Variants in MAP3K4 observed in about 807,000 individuals in gnomAD.
MAP3K4 encodes mitogen-activated protein kinase kinase kinase 4, also known as MAP three kinase 1.
MAP3K4 carries 67 observed loss-of-function variants against 185.6 expected under a neutral mutation model. That is an observed-to-expected ratio of 0.36 (90% confidence interval 0.30 to 0.44). The LOEUF (loss-of-function observed/expected upper bound fraction) is 0.44. Among genes scored for constraint, MAP3K4 ranks in the 20% least tolerant of loss-of-function variants. The probability of loss-of-function intolerance (pLI) is 1.00; values close to 1 mark genes in which losing one functional copy is unlikely to be tolerated. For synonymous variants in MAP3K4, 702 were observed against 710.4 expected (o/e 0.99, Z 0.19); for missense variants, 1,551 against 1,995.1 (o/e 0.78, Z 4.24).
chr6:161,015,282 GA>G (rs1380482015), intron 1 of MAP3K4, among the ~76,000 whole-genome samples: 1 of 151,420 alleles, frequency 6.6e-6, no homozygotes, highest in Non-Finnish European at 1.5e-5. Flanking sequence ...ACATGGGGGG[GA>G]AACAGCACAC....
intron 1 of MAP3K4, among the ~76,000 whole-genome samples, chr6:160,994,846 G>T (rs2115029313): frequency 6.6e-6 from 1 of 152,230 alleles, no homozygotes; most frequent in South Asian, 2.1e-4. Context: ...GATTATAGGT[G>T]CCTGCCACCA....
chr6:161,095,418 A>T (rs970845810), intron 15 of MAP3K4, among the ~76,000 whole-genome samples: 2 of 152,254 alleles, frequency 1.3e-5, no homozygotes, highest in Non-Finnish European at 2.9e-5. Context: ...AAATGAGAGC[A>T]CATCAACTGT....
rs1777774831 is a variant in MAP3K4 at position 161,100,144 on chromosome 6, T to G, written c.3674+1717T>G. The stretch of plus-strand genomic sequence containing the variant: ...CAGACTCCCTCCTGCATTCAAGCCC[T>G]GCGTAAGCCTCAGTGCCTTCACAGT... On this transcript the variant is annotated intron_variant, in intron 17 of 26. Transcript: ENST00000392142. The surrounding 1 kb of genome is among the most constrained non-coding windows in gnomAD (Gnocchi z 5.8). Among the ~76,000 whole-genome samples the G allele has an allele frequency of 6.6e-6, 1 of 152,214 alleles. No individual in the cohort carries two copies. Among genetic ancestry groups the G allele is most frequent in the South Asian group, 2.1e-4 (1 of 4,832 alleles).
chr6:161,085,193 A>G (rs1785647867), intron 7 of MAP3K4, among the ~76,000 whole-genome samples: 1 of 152,118 alleles, frequency 6.6e-6, no homozygotes, highest in East Asian at 1.9e-4. Context: ...ACTGAAAAAA[A>G]TGAGTAGAAT....
chr6:161,060,618 CTTTTTTT>C (rs35196179), intron 3 of MAP3K4, among the ~76,000 whole-genome samples: 18 of 126,392 alleles, frequency 1.4e-4, no homozygotes, highest in East Asian at 6.7e-4. Flanking sequence ...TTTTCTTTTT[CTTTTTTT>C]TTTTTTTTTT....
At chr6:161,052,106 C>T (rs1319635703) in intron 3 of MAP3K4, among the ~76,000 whole-genome samples, 1 of 152,114 alleles carries the variant, frequency 6.6e-6, no homozygotes, top group Non-Finnish European at 1.5e-5. Flanking sequence ...TGAGAAGAGG[C>T]CACGGTGGGG....
chr6:161,091,255 C>A lies in MAP3K4; in HGVS notation c.2974-124C>A. ...CTTCTATATTTGGTAATTCCTTTAC[C>A]AAGTGGCTGAATTGTTTGTAGTGGT... is the stretch of plus-strand genomic sequence containing the variant. On this transcript the variant is annotated intron_variant, in intron 11 of 26. Coordinates refer to ENST00000392142, the MANE Select transcript of MAP3K4 (RefSeq NM_005922.4). This position sits in a 1 kb window ranked among gnomAD's most constrained non-coding sequence, Gnocchi z 5.5. 1.6e-6 allele frequency: 1 copy of A among 641,448 alleles called. No individual in the cohort carries two copies. Among genetic ancestry groups the A allele is most frequent in the Non-Finnish European group, 2.5e-6 (1 of 395,130 alleles). The allele number at this position is 641,448 out of a possible 1,614,324, so 39.7% of individuals were successfully genotyped here.
At chr6:161,085,382 C>A (rs2114851866) in intron 7 of MAP3K4, among the ~76,000 whole-genome samples, 1 of 152,180 alleles carries the variant, frequency 6.6e-6, no homozygotes. Context: ...GTTGAATTTC[C>A]TCCAGTTCTG....
At chr6:161,095,154 G>A (rs1777511641) in intron 15 of MAP3K4, among the ~76,000 whole-genome samples, 1 of 152,082 alleles carries the variant, frequency 6.6e-6, no homozygotes, top group African/African-American at 2.4e-5. Context: ...TTAATTAATA[G>A]CGCTCTCTGG....
chr6:160,999,689 AT>A (rs1781177864), intron 1 of MAP3K4, among the ~76,000 whole-genome samples: 1 of 152,130 alleles, frequency 6.6e-6, no homozygotes, highest in African/African-American at 2.4e-5. Context: ...TTACCCTCGC[AT>A]CGCCATGTGC....
chr6:161,111,217 A>G (rs1778336012), intron 23 of MAP3K4, among the ~76,000 whole-genome samples: 1 of 152,206 alleles, frequency 6.6e-6, no homozygotes, highest in African/African-American at 2.4e-5. Context: ...CATAGAACAC[A>G]ATGCCAGAGA....
rs1274219465 is a variant in MAP3K4 at position 161,088,091 on chromosome 6, G to C, written c.2823+137G>C. The C allele has an allele frequency of 1.4e-6, 1 of 740,020 alleles. No individual in the cohort carries two copies. Among genetic ancestry groups the C allele is most frequent in the Non-Finnish European group, 2.1e-6 (1 of 471,126 alleles). 45.8% of individuals were successfully genotyped at this position (740,020 alleles called of 1,614,324 possible). A position where few individuals can be genotyped will look rare whatever the true frequency, so the allele number is the denominator to read the frequency against. ...ATACTTCCCAAAAATATGCCTCAATGTGTTAATAGGTCATTTTGCAGCATA... is the reference window on the plus strand; with the variant it reads ...ATACTTCCCAAAAATATGCCTCAATCTGTTAATAGGTCATTTTGCAGCATA... On this transcript the variant is annotated intron_variant, in intron 10 of 26. Coordinates refer to ENST00000392142, the MANE Select transcript of MAP3K4 (RefSeq NM_005922.4). The surrounding 1 kb of genome is among the most constrained non-coding windows in gnomAD (Gnocchi z 4.5).
Position 161,101,750 on chromosome 6 carries a change from C to CG in MAP3K4, c.3675-142_3675-141insG. 7.4e-6 allele frequency: 5 copies of CG among 676,444 alleles called. No homozygotes were observed. The South Asian group carries it at 9.1e-5, about 12-fold the overall frequency. The allele number at this position is 676,444 out of a possible 1,614,324, so 41.9% of individuals were successfully genotyped here. A position where few individuals can be genotyped will look rare whatever the true frequency, so the allele number is the denominator to read the frequency against. On this transcript the variant is annotated intron_variant, in intron 17 of 26. Transcript: ENST00000392142. This position sits in a 1 kb window ranked among gnomAD's most constrained non-coding sequence, Gnocchi z 5.1. ...GCCAGTAGCACCCTCCCAAAAGTGT[C>CG]TAATACATTGCTGGAGGCAGAGTTG...
intron 1 of MAP3K4, among the ~76,000 whole-genome samples, chr6:161,018,385 C>T (rs922796188): frequency 3.9e-5 from 6 of 152,138 alleles, no homozygotes; most frequent in African/African-American, 1.4e-4. Flanking sequence ...GGCTGGGAGG[C>T]ACTTGAGTAC....
Position 161,098,932 on chromosome 6 carries a change from G to A in MAP3K4, c.3674+505G>A, listed in dbSNP as rs1163739296. On this transcript the variant is annotated intron_variant, in intron 17 of 26. Transcript: ENST00000392142. This position sits in a 1 kb window ranked among gnomAD's most constrained non-coding sequence, Gnocchi z 4.4. ...TCATGGGGTTTGTATGTCATATGGAGAACAGATCAGTACTTGAGAGAACTC... is the reference window on the plus strand; with the variant it reads ...TCATGGGGTTTGTATGTCATATGGAAAACAGATCAGTACTTGAGAGAACTC... 1.3e-5 allele frequency among the ~76,000 whole-genome samples: 2 copies of A among 152,232 alleles called. No individual in the cohort carries two copies. The highest frequency in any genetic ancestry group is 2.9e-5 in the Non-Finnish European group (2 of 68,028).
Position 161,070,881 on chromosome 6 carries a change from G to T in MAP3K4, c.1950+31G>T, listed in dbSNP as rs1433839905. ...CTTCAAAGACTCTTTAAAATATTTAGCAATTATTATATTATCCTACAGGCT... is the reference window on the plus strand; with the variant it reads ...CTTCAAAGACTCTTTAAAATATTTATCAATTATTATATTATCCTACAGGCT... On this transcript the variant is annotated intron_variant, in intron 4 of 26. Coordinates refer to ENST00000392142, the MANE Select transcript of MAP3K4 (RefSeq NM_005922.4). This position sits in a 1 kb window ranked among gnomAD's most constrained non-coding sequence, Gnocchi z 4.5. The T allele has an allele frequency of 1.9e-6, 3 of 1,552,528 alleles. No individual in the cohort carries two copies. The highest frequency in any genetic ancestry group is 2.6e-6 in the Non-Finnish European group (3 of 1,148,710).
intron 1 of MAP3K4, among the ~76,000 whole-genome samples, chr6:161,030,817 A>G (rs1051803114): frequency 6.6e-6 from 1 of 152,214 alleles, no homozygotes; most frequent in Admixed American, 6.5e-5. Context: ...TTTTGTTCTG[A>G]CATGTAGGTG....
chr6:161,003,694 C>T (rs1252579554), intron 1 of MAP3K4, among the ~76,000 whole-genome samples: 2 of 152,108 alleles, frequency 1.3e-5, no homozygotes, highest in African/African-American at 2.4e-5. Context: ...GACAAAATAA[C>T]TTAAAGTGGC....
At chr6:161,045,907 A>G (rs961960383) in intron 2 of MAP3K4, among the ~76,000 whole-genome samples, 9 of 152,260 alleles carry the variant, frequency 5.9e-5, no homozygotes, top group East Asian at 1.9e-4. Context: ...TACACATTCT[A>G]TTCTAGGTCT....
Sources: allele counts gnomAD v4.1 joint callset (sites outside exome capture counted in the v4.1 genomes callset), GRCh38; gene constraint gnomAD v4.1.1; non-coding constraint Gnocchi (gnomAD v3.1); transcripts MANE v1.5; gene names NCBI Gene and HGNC (gene_info 2026-07-23, HGNC 2026-07-21).